The following TIAM1 variants were observed in gnomAD, a reference collection of about 807,000 sequenced individuals.
TIAM1 encodes TIAM Rac1 associated GEF 1.
In TIAM1, 65 loss-of-function variants were observed where a neutral mutation model predicts 163.5. The ratio of observed to expected loss-of-function variants is 0.40; its 90% CI spans 0.33 to 0.49. The LOEUF (loss-of-function observed/expected upper bound fraction) is 0.49, where lower values mean the gene tolerates loss of function less well. TIAM1 is among the 20% of genes least tolerant of loss of function. TIAM1 has a pLI of 0.77. For missense variants in TIAM1, 1,789 were observed against 2,044.7 expected, an observed-to-expected ratio of 0.87 and a Z score of 2.41; for synonymous variants, 833 against 810.1, an observed-to-expected ratio of 1.03 and a Z score of -0.48.
chr21:31,271,285 A>C (rs1252270576), intron 3 of TIAM1, among the ~76,000 whole-genome samples: 1 of 152,168 alleles, frequency 6.6e-6, no homozygotes, highest in Non-Finnish European at 1.5e-5. Flanking sequence ...AGACACTTTA[A>C]TCTAAGATGT....
chr21:31,404,248 T>C (rs751647153), intron 2 of TIAM1, among the ~76,000 whole-genome samples: 1 of 152,136 alleles, frequency 6.6e-6, no homozygotes, highest in Non-Finnish European at 1.5e-5. Flanking sequence ...AAAGTGAAGA[T>C]AATAACCCCA....
At chr21:31,431,724 G>A (rs560104260) in intron 2 of TIAM1, among the ~76,000 whole-genome samples, 20 of 152,176 alleles carry the variant, frequency 1.3e-4, no homozygotes, top group African/African-American at 4.3e-4. Context: ...CCTTTTGCTT[G>A]TAGGCCAAAG....
intron 1 of TIAM1, among the ~76,000 whole-genome samples, chr21:31,539,650 C>T (rs1464537788): frequency 5.3e-5 from 8 of 151,980 alleles, no homozygotes; most frequent in Non-Finnish European, 7.4e-5. Flanking sequence ...CAGAGGGACA[C>T]GAAATGAGAA....
At chr21:31,479,962 G>C (rs207477857) in intron 1 of TIAM1, among the ~76,000 whole-genome samples, 1 of 152,126 alleles carries the variant, frequency 6.6e-6, no homozygotes, top group Admixed American at 6.6e-5. Context: ...CCCTCCTAGG[G>C]AACACCTACT....
rs1162520566 is a variant in TIAM1 at position 31,210,592 on chromosome 21, A to AAGAAAGAAAG, written c.2218-378_2218-377insCTTTCTTTCT. Reference sequence around the variant, plus strand: ...AAAGAAAGAAAGAAAGAAAGAAAGAAAGAGAGAAAGAAGGAAGGAAGGGAG... The same window carrying AAGAAAGAAAG: ...AAAGAAAGAAAGAAAGAAAGAAAGAAAGAAAGAAAGAGAGAGAAAGAAGGAAGGAAGGGAG... On this transcript the variant is annotated intron_variant, in intron 10 of 27. Transcript: ENST00000541036. Among the ~76,000 whole-genome samples, 391 of 88,690 alleles carry AAGAAAGAAAG rather than the reference A, an allele frequency of 4.4e-3. 4 individuals are homozygous for AAGAAAGAAAG. Among genetic ancestry groups the AAGAAAGAAAG allele is most frequent in the East Asian group, 0.015 (33 of 2,230 alleles). The allele number at this position is 88,690 out of a possible 152,430, so 58.2% of individuals were successfully genotyped here.
chr21:31,294,117 T>C (rs781254473), intron 2 of TIAM1, among the ~76,000 whole-genome samples: 7 of 152,164 alleles, frequency 4.6e-5, no homozygotes, highest in Non-Finnish European at 8.8e-5. Flanking sequence ...CAGCAAGTCC[T>C]CAATTCCAAT....
chr21:31,452,474 G>A (rs1445740572), intron 2 of TIAM1: 14 of 532,954 alleles, frequency 2.6e-5, no homozygotes, highest in Non-Finnish European at 4.8e-5. Flanking sequence ...CCATGGCTAT[G>A]ACTAGTGTCA....
At chr21:31,347,592 A>G (rs1490813967), upstream of TIAM1, among the ~76,000 whole-genome samples, 2 of 152,256 alleles carry the variant, frequency 1.3e-5, no homozygotes, top group East Asian at 1.9e-4. Context: ...ACAAATGTAC[A>G]GTATTTCTGC....
At chr21:31,510,828 C>CA (rs977591396) in intron 1 of TIAM1, among the ~76,000 whole-genome samples, 1 of 144,784 alleles carries the variant, frequency 6.9e-6, no homozygotes, top group Non-Finnish European at 1.5e-5. Flanking sequence ...AAAAAAAAAA[C>CA]AAAAAAAACT....
intron 1 of TIAM1, among the ~76,000 whole-genome samples, chr21:31,533,127 C>A (rs2048022893): frequency 6.6e-6 from 1 of 152,058 alleles, no homozygotes; most frequent in African/African-American, 2.4e-5. Flanking sequence ...TCAAGGCCAG[C>A]CTGGCCAACA....
At chr21:31,195,431 C>A in intron 12 of TIAM1, 126 bp from the exon 13 acceptor site, 1 of 660,554 alleles carries the variant, frequency 1.5e-6, no homozygotes. Context: ...ACAATCTTAT[C>A]ATTAAACGAA....
At chr21:31,548,234 G>T (rs1201566563) in intron 1 of TIAM1, among the ~76,000 whole-genome samples, 1 of 146,190 alleles carries the variant, frequency 6.8e-6, no homozygotes, top group Non-Finnish European at 1.5e-5. Flanking sequence ...CCGCCTCCTG[G>T]GTTCAAGCAA....
At chr21:31,355,388 AC>A in intron 2 of TIAM1, among the ~76,000 whole-genome samples, 1 of 152,156 alleles carries the variant, frequency 6.6e-6, no homozygotes, top group South Asian at 2.1e-4. Flanking sequence ...TATGAAGGTA[AC>A]CTTAGACTTG....
At chr21:31,456,759 T>A (rs2045118606) in intron 2 of TIAM1, among the ~76,000 whole-genome samples, 1 of 152,166 alleles carries the variant, frequency 6.6e-6, no homozygotes, top group Non-Finnish European at 1.5e-5. Context: ...TATTCTATCA[T>A]CCATTAATAC....
intron 2 of TIAM1, among the ~76,000 whole-genome samples, chr21:31,308,621 G>A (rs540842346): frequency 9.6e-4 from 146 of 152,266 alleles, no homozygotes; most frequent in African/African-American, 3.0e-3. Flanking sequence ...AACGCGTGTT[G>A]TAATTTGTTA....
chr21:31,311,672 A>G (rs768654817), intron 2 of TIAM1, among the ~76,000 whole-genome samples: 11 of 152,218 alleles, frequency 7.2e-5, no homozygotes, highest in Non-Finnish European at 1.3e-4. Flanking sequence ...ACTTCTTCAC[A>G]TGGACTGAGC....
intron 6 of TIAM1, among the ~76,000 whole-genome samples, chr21:31,243,207 A>ATATATAT (rs1257885611): frequency 2.2e-3 from 260 of 117,282 alleles, no homozygotes; most frequent in African/African-American, 9.2e-3. Flanking sequence ...AAAAAAAAAA[A>ATATATAT]AAATATATAT....
rs553606468 is a variant in TIAM1, at chr21:31,251,854, C to T, written c.1299G>A (p.Thr433=). The change falls in exon 5 of 28, where the codon ACG becomes ACA. Residue 433 remains threonine (T), a synonymous_variant. Coordinates refer to ENST00000541036, the MANE Select transcript of TIAM1 (RefSeq NM_001353694.2). ...CGGCCAGGGCGCCGGCCTTGCGCAC[C>T]GTGCCCTGTGCGGCGGTCAGCAGGA... ...SDILLTAAQG[T]VRKAGALAVK... is the part of the protein sequence containing the mutation. 4 of 1,613,870 alleles carry T rather than the reference C, an allele frequency of 2.5e-6. No homozygotes were observed. Among genetic ancestry groups the T allele is most frequent in the East Asian group, 2.2e-5 (1 of 44,840 alleles).
intron 2 of TIAM1, among the ~76,000 whole-genome samples, chr21:31,292,055 G>C (rs1045102069): frequency 1.3e-5 from 2 of 152,172 alleles, no homozygotes; most frequent in African/African-American, 4.8e-5. Context: ...TAGGATCTGA[G>C]AGACCTGATC....
Sources: gnomAD v4.1 joint callset for allele counts (sites outside exome capture counted in the v4.1 genomes callset) on GRCh38, gnomAD v4.1.1 for gene constraint, MANE v1.5 for transcripts, NCBI Gene and HGNC (gene_info 2026-07-23, HGNC 2026-07-21) for gene names.